The following NDUFA10 variants were observed in gnomAD, a reference collection of about 807,000 sequenced individuals.
NDUFA10 encodes the protein NADH dehydrogenase [ubiquinone] 1 alpha subcomplex subunit 10, mitochondrial.
NDUFA10 carries 40 observed loss-of-function variants against 47.8 expected under a neutral mutation model. The observed-to-expected ratio is 0.84, with a 90% CI of 0.65 to 1.09. The LOEUF is 1.09. NDUFA10 is among the 50% of genes least tolerant of loss of function. The probability of loss-of-function intolerance (pLI) is 0.00; values close to 1 mark genes in which losing one functional copy is unlikely to be tolerated. For synonymous variants in NDUFA10, 183 were observed against 172.2 expected (o/e 1.06, Z -0.49); for missense variants, 413 against 451.1 (o/e 0.92, Z 0.76).
At chr2:239,932,085 C>T (rs1436366563) in intron 4 of NDUFA10, among the ~76,000 whole-genome samples, 4 of 152,014 alleles carry the variant, frequency 2.6e-5, no homozygotes, top group Admixed American at 6.6e-5. Flanking sequence ...CCACCCTCTT[C>T]GGCCTCCCAA....
chr2:239,935,367 G>A (rs73101776), intron 4 of NDUFA10, among the ~76,000 whole-genome samples: 2,024 of 152,314 alleles, frequency 0.013, 38 homozygotes, highest in African/African-American at 0.046. Flanking sequence ...CCACTGGATG[G>A]GAAAATTACA....
intron 4 of NDUFA10, among the ~76,000 whole-genome samples, chr2:239,918,159 C>T (rs553981136): frequency 1.7e-3 from 258 of 152,312 alleles, no homozygotes; most frequent in Middle Eastern, 6.8e-3. Flanking sequence ...CTGAGGGACC[C>T]TCTGCATCAA....
At chr2:239,992,519 T>C (rs1437568775) in intron 8 of NDUFA10, among the ~76,000 whole-genome samples, 1 of 152,216 alleles carries the variant, frequency 6.6e-6, no homozygotes, top group Non-Finnish European at 1.5e-5. Context: ...CAAACTCACA[T>C]GCTACAGTTT....
chr2:239,899,078 AGGAGTGT>A (rs1693473048), intron 4 of NDUFA10, among the ~76,000 whole-genome samples: 1 of 18,948 alleles, frequency 5.3e-5, no homozygotes, highest in East Asian at 1.0e-3. Context: ...GGTGTGATGG[AGGAGTGT>A]GGAGGGGTGT....
At chr2:239,900,520 T>C (rs926391971) in intron 4 of NDUFA10, among the ~76,000 whole-genome samples, 2 of 151,728 alleles carry the variant, frequency 1.3e-5, no homozygotes, top group East Asian at 1.9e-4. Flanking sequence ...TCCCCTGCTA[T>C]AGCAAGCTCT....
chr2:239,914,416 TACAGAC>T (rs1693805799), intron 4 of NDUFA10, among the ~76,000 whole-genome samples: 4 of 120,308 alleles, frequency 3.3e-5, no homozygotes, highest in African/African-American at 1.4e-4. Context: ...CACACAAATA[TACAGAC>T]ACACACAGAG....
intron 4 of NDUFA10, among the ~76,000 whole-genome samples, chr2:240,015,952 T>C (rs1044359054): frequency 1.3e-5 from 2 of 152,118 alleles, no homozygotes; most frequent in Admixed American, 1.3e-4. Context: ...AGCCCAGGAG[T>C]TCAGGACCAG....
At chr2:240,001,680 C>T (rs1433738166) in intron 8 of NDUFA10, among the ~76,000 whole-genome samples, 1 of 152,242 alleles carries the variant, frequency 6.6e-6, no homozygotes, top group East Asian at 1.9e-4. Flanking sequence ...TCTCCATCAC[C>T]TACGCATCCC....
chr2:240,003,915 C>T (rs1288670346), intron 8 of NDUFA10, among the ~76,000 whole-genome samples: 3 of 152,094 alleles, frequency 2.0e-5, no homozygotes, highest in South Asian at 2.1e-4. Context: ...AAGAGGCAGC[C>T]GAGGGATATT....
In NDUFA10 at chr2:239,958,854, C is replaced by T. The variant is rs760338157; in HGVS notation, c.*2264G>A. On this transcript the variant is annotated 3_prime_UTR_variant, in exon 10 of 10. Coordinates refer to ENST00000252711, the MANE Select transcript of NDUFA10 (RefSeq NM_004544.4). ...ACACAAAACCATACTGCTGCAACAG[C>T]ATGATTATTTCCTGATCTCCAAAGC... 5.5e-5 allele frequency: 43 copies of T among 786,530 alleles called. No homozygotes were observed. The highest frequency in any genetic ancestry group is 6.5e-5 in the Non-Finnish European group (42 of 648,694). 48.7% of individuals were successfully genotyped at this position (786,530 alleles called of 1,614,324 possible).
chr2:239,955,007 C>T (rs937309030), downstream of NDUFA10, among the ~76,000 whole-genome samples: 1 of 152,230 alleles, frequency 6.6e-6, no homozygotes, highest in Non-Finnish European at 1.5e-5. Context: ...ATCTAAATTA[C>T]TTTCTCTCAA....
Position 239,959,419 on chromosome 2 carries a change from TC to T in NDUFA10, c.*1698del, listed in dbSNP as rs894833109. On this transcript the variant is annotated 3_prime_UTR_variant, in exon 10 of 10. Transcript: ENST00000252711. The stretch of plus-strand genomic sequence containing the variant: ...CAGCTAAGATAATTAAAGATGGCTT[TC>T]TTTTTCTTTCCTCCCCTCCACAATG... 1.9e-5 allele frequency: 19 copies of T among 985,346 alleles called. No individual in the cohort carries two copies. The African/African-American group carries it at 3.1e-4, about 16-fold the overall frequency. 61.0% of individuals were successfully genotyped at this position (985,346 alleles called of 1,614,324 possible). A position where few individuals can be genotyped will look rare whatever the true frequency, so the allele number is the denominator to read the frequency against.
chr2:239,961,887 G>T (rs565404970), intron 9 of NDUFA10, among the ~76,000 whole-genome samples: 1 of 152,336 alleles, frequency 6.6e-6, no homozygotes, highest in African/African-American at 2.4e-5. Flanking sequence ...GCTGCAGAAA[G>T]GATGTTACAG....
At chr2:240,015,159 A>G (rs906217779) in intron 4 of NDUFA10, among the ~76,000 whole-genome samples, 1 of 152,242 alleles carries the variant, frequency 6.6e-6, no homozygotes, top group Non-Finnish European at 1.5e-5. Flanking sequence ...AAATTAAGCT[A>G]CTTACACAGA....
intron 1 of NDUFA10, among the ~76,000 whole-genome samples, chr2:240,024,622 C>T (rs112778692): frequency 2.2e-4 from 34 of 152,240 alleles, no homozygotes; most frequent in African/African-American, 7.5e-4. Flanking sequence ...ACAAAGAATG[C>T]GCTCAATGTA....
At position 239,982,077 on chromosome 2, in the gene NDUFA10, T is replaced by G. The variant is rs562187140; in HGVS notation, c.999+7997A>C. 2.4e-4 allele frequency: 383 copies of G among 1,611,068 alleles called. 1 individual carries two copies. Among genetic ancestry groups the G allele is most frequent in the Non-Finnish European group, 3.1e-4 (371 of 1,179,686 alleles). The stretch of plus-strand genomic sequence containing the variant: ...CTGTGGAATGTCCTCAAATGCTGTT[T>G]GCTCCCCTGCAGCAAACCAGTGACC... On this transcript the variant is annotated intron_variant, in intron 9 of 9. Transcript: ENST00000252711.
chr2:239,946,646 G>A lies in NDUFA10; in HGVS notation c.294+43428C>T, dbSNP rs75691808. Among the ~76,000 whole-genome samples the A allele has an allele frequency of 2.4e-3, 369 of 152,368 alleles. 1 individual carries two copies. The highest frequency in any genetic ancestry group is 8.4e-3 in the African/African-American group (350 of 41,582). ...TTTGTTGTCCACATTAAAGCTTTGA[G>A]TTCAACGGCTCCTGACGCTGGTGCA... On this transcript the variant is annotated intron_variant, in intron 4 of 5. Transcript: ENST00000419408.
At chr2:240,002,300 A>G (rs1322852730) in intron 8 of NDUFA10, among the ~76,000 whole-genome samples, 1 of 142,534 alleles carries the variant, frequency 7.0e-6, no homozygotes, top group Admixed American at 7.3e-5. Context: ...ACTGCACTCC[A>G]GTCTGGGCAA....
chr2:239,959,325 G>A lies in NDUFA10; in HGVS notation c.*1793C>T. ...GGCAGACCTGCCCTCTCACTGCTGA[G>A]GACACTACCCGTGCAACCACCAAGG... On this transcript the variant is annotated 3_prime_UTR_variant, in exon 10 of 10. Transcript: ENST00000252711. The A allele has an allele frequency of 2.0e-6, 2 of 985,470 alleles. No individual in the cohort carries two copies. Among genetic ancestry groups the A allele is most frequent in the Non-Finnish European group, 1.2e-6 (1 of 829,954 alleles). The allele number at this position is 985,470 out of a possible 1,614,324, so 61.0% of individuals were successfully genotyped here. A position where few individuals can be genotyped will look rare whatever the true frequency, so the allele number is the denominator to read the frequency against.
Sources: gnomAD v4.1 joint callset for allele counts (sites outside exome capture counted in the v4.1 genomes callset) on GRCh38, gnomAD v4.1.1 for gene constraint, MANE v1.5 for transcripts, NCBI Gene and HGNC (gene_info 2026-07-23, HGNC 2026-07-21) for gene names.